The following GTF2I variants were observed in gnomAD, a reference collection of about 807,000 sequenced individuals.
GTF2I encodes the protein general transcription factor II-I.
In GTF2I, 12 loss-of-function variants were observed where a neutral mutation model predicts 67.6. That is an observed-to-expected ratio of 0.18 (90% CI 0.11 to 0.29). GTF2I has a LOEUF of 0.29. Ranked by LOEUF, GTF2I falls within the 10% of genes least tolerant of loss-of-function variation. The probability of loss-of-function intolerance (pLI) is 1.00; values close to 1 mark genes in which losing one functional copy is unlikely to be tolerated. For synonymous variants in GTF2I, 149 were observed against 197.0 expected, an observed-to-expected ratio of 0.76 and a Z score of 2.04; for missense variants, 271 against 580.1, an observed-to-expected ratio of 0.47 and a Z score of 5.47.
intron 1 of GTF2I, among the ~76,000 whole-genome samples, chr7:74,680,734 T>C (rs993823515): frequency 6.9e-6 from 1 of 145,414 alleles, no homozygotes; most frequent in Admixed American, 7.4e-5. Flanking sequence ...AGTGAGACTT[T>C]GTCTCATAAA....
At chr7:74,713,744 A>G (rs1167179792) in intron 9 of GTF2I, among the ~76,000 whole-genome samples, 1 of 152,168 alleles carries the variant, frequency 6.6e-6, no homozygotes, top group African/African-American at 2.4e-5. Context: ...TTAGAGGTCA[A>G]TTAGTAGCCT....
At chr7:74,726,124 A>G (rs1554405613) in intron 12 of GTF2I, among the ~76,000 whole-genome samples, 3 of 151,994 alleles carry the variant, frequency 2.0e-5, no homozygotes, top group African/African-American at 7.3e-5. Flanking sequence ...ATGTCACTCA[A>G]TGAATAGTCA....
intron 1 of GTF2I, among the ~76,000 whole-genome samples, chr7:74,677,367 T>C (rs1260090492): frequency 6.6e-6 from 1 of 152,184 alleles, no homozygotes; most frequent in Non-Finnish European, 1.5e-5. Flanking sequence ...TGTCACTAAT[T>C]TTTCCCTTGG....
intron 8 of GTF2I, among the ~76,000 whole-genome samples, chr7:74,708,773 T>A (rs1426793102): frequency 6.6e-6 from 1 of 152,212 alleles, no homozygotes; most frequent in African/African-American, 2.4e-5. Context: ...ACATCAGTTT[T>A]GTGGGTGGCC....
chr7:74,701,465 C>CT lies in GTF2I; in HGVS notation c.586+841dup, dbSNP rs1251155797. Among the ~76,000 whole-genome samples the CT allele has an allele frequency of 1.8e-3, 273 of 147,974 alleles. 4 individuals carry two copies. The South Asian group carries it at 0.023, about 12-fold the overall frequency. On this transcript the variant is annotated intron_variant, in intron 6 of 34. Transcript: ENST00000573035. ...TTGATACACCATAAAATTCACCTGC[C>CT]TTTTTTTTTTATTATTATTTTTTGA... is the stretch of plus-strand genomic sequence containing the variant.
chr7:74,665,868 C>CT (rs1804926458), intron 1 of GTF2I, among the ~76,000 whole-genome samples: 1 of 152,178 alleles, frequency 6.6e-6, no homozygotes, highest in South Asian at 2.1e-4. Flanking sequence ...GAGTCTCCCT[C>CT]TGTCACCCAG....
rs1554399541 is a variant in GTF2I, at chr7:74,700,363, A to T, written c.490A>T (p.Asn164Tyr). 1 of 1,614,188 alleles carries T rather than the reference A, an allele frequency of 6.2e-7. No individual in the cohort carries two copies. Among genetic ancestry groups the T allele is most frequent in the South Asian group, 1.1e-5 (1 of 91,080 alleles). The change falls in exon 5 of 35, where the codon AAC (asparagine) becomes TAC (tyrosine). Residue 164 changes from asparagine to tyrosine, a missense_variant. By Grantham distance (143) the Asn-to-Tyr change is moderately radical. This residue lies in a region of GTF2I where 38 missense variants were observed against 87.8 expected (regional missense o/e 0.43). Coordinates refer to ENST00000573035, the MANE Select transcript of GTF2I (RefSeq NM_032999.4). ...AGGTGTTGCCTTTAAACACCCCGAG[A>T]ACTATGATCTTGCAACCCTGAAATG... ...PEGVAFKHPE[N>Y]YDLATLKWIL...
At chr7:74,708,732 G>C (rs1244905891) in intron 8 of GTF2I, among the ~76,000 whole-genome samples, 1 of 152,206 alleles carries the variant, frequency 6.6e-6, no homozygotes, top group African/African-American at 2.4e-5. Context: ...AACTTCAGCA[G>C]AAACCCAGAG....
intron 12 of GTF2I, among the ~76,000 whole-genome samples, chr7:74,726,182 G>C (rs1223166136): frequency 6.6e-6 from 1 of 152,018 alleles, no homozygotes; most frequent in Non-Finnish European, 1.5e-5. Context: ...TAACCTATAG[G>C]GGAAATACTT....
At chr7:74,658,312 T>G (rs1804114188) in intron 1 of GTF2I, among the ~76,000 whole-genome samples, 8 of 144,904 alleles carry the variant, frequency 5.5e-5, no homozygotes, top group South Asian at 2.3e-4. Flanking sequence ...AACGAGGCGA[T>G]GGGGGTGGGG....
At chr7:74,679,486 A>G (rs587640286) in intron 1 of GTF2I, among the ~76,000 whole-genome samples, 80 of 152,346 alleles carry the variant, frequency 5.3e-4, no homozygotes, top group Middle Eastern at 3.4e-3. Context: ...AAAGGATATT[A>G]TACTTTGCTT....
intron 1 of GTF2I, among the ~76,000 whole-genome samples, chr7:74,665,914 A>G (rs1201916412): frequency 7.2e-5 from 11 of 151,960 alleles, no homozygotes; most frequent in African/African-American, 1.2e-4. Flanking sequence ...GCTCATTGCA[A>G]CCTTCACCTC....
At chr7:74,708,470 G>A (rs894365133) in intron 8 of GTF2I, among the ~76,000 whole-genome samples, 1 of 152,148 alleles carries the variant, frequency 6.6e-6, no homozygotes, top group South Asian at 2.1e-4. Context: ...GGCTGGTGCT[G>A]GTGGCTGAGG....
intron 15 of GTF2I, among the ~76,000 whole-genome samples, chr7:74,733,222 CT>C (rs1794636074): frequency 8.1e-6 from 1 of 123,642 alleles, no homozygotes; most frequent in Non-Finnish European, 1.7e-5. Flanking sequence ...CAACCTCGCC[CT>C]CATAGGCCTG....
At chr7:74,699,670 A>G (rs1240827626) in intron 4 of GTF2I, 2 of 154,062 alleles carry the variant, frequency 1.3e-5, no homozygotes, top group East Asian at 3.8e-4. Flanking sequence ...CTCTTGTCAC[A>G]TCATAAAACA....
intron 12 of GTF2I, among the ~76,000 whole-genome samples, chr7:74,723,443 T>TTTTTTTTTTTTTTTTTC (rs1793339691): frequency 7.5e-6 from 1 of 133,924 alleles, no homozygotes; most frequent in Admixed American, 7.6e-5. Flanking sequence ...TTTTTTTTTT[T>TTTTTTTTTTTTTTTTTC]TTTTTAAGAC....
intron 8 of GTF2I, among the ~76,000 whole-genome samples, chr7:74,706,979 A>C (rs1276387817): frequency 6.6e-6 from 1 of 152,106 alleles, no homozygotes; most frequent in East Asian, 1.9e-4. Flanking sequence ...CCTCCCGAGT[A>C]GCTGGGATTA....
chr7:74,692,998 G>T (rs587759655), intron 3 of GTF2I, among the ~76,000 whole-genome samples: 1 of 152,150 alleles, frequency 6.6e-6, no homozygotes, highest in South Asian at 2.1e-4. Context: ...CTGACCTCAG[G>T]TTATCTGCCC....
intron 14 of GTF2I, among the ~76,000 whole-genome samples, chr7:74,732,217 A>G (rs1489363201): frequency 6.6e-6 from 1 of 151,156 alleles, no homozygotes; most frequent in Non-Finnish European, 1.5e-5. Context: ...TACTAAAAAT[A>G]CAAAAAATTA....
Sources: allele counts gnomAD v4.1 joint callset (sites outside exome capture counted in the v4.1 genomes callset), GRCh38; gene constraint gnomAD v4.1.1; regional missense constraint gnomAD v4.1.1; transcripts MANE v1.5; gene names NCBI Gene and HGNC (gene_info 2026-07-23, HGNC 2026-07-21).